Variants in DENND5A observed in about 807,000 individuals in gnomAD.
DENND5A encodes DENN domain containing 5A.
In DENND5A, 64 loss-of-function variants were observed where a neutral mutation model predicts 140.3. That is an observed-to-expected ratio of 0.46 (90% CI 0.37 to 0.56). The LOEUF is 0.56. Ranked by LOEUF, DENND5A falls within the 20% of genes least tolerant of loss-of-function variation. The probability of loss-of-function intolerance (pLI) is 0.00; values close to 1 mark genes in which losing one functional copy is unlikely to be tolerated. For synonymous variants in DENND5A, 605 were observed against 607.7 expected (o/e 1.00, Z 0.07); for missense variants, 1,292 against 1,593.8 (o/e 0.81, Z 3.22).
intron 5 of DENND5A, among the ~76,000 whole-genome samples, chr11:9,185,528 A>T (rs1263290643): frequency 6.6e-6 from 1 of 152,216 alleles, no homozygotes; most frequent in Non-Finnish European, 1.5e-5. Flanking sequence ...AAAAGAAAAC[A>T]CTGCAGGGGC....
At chr11:9,142,346 A>C (rs2136110551) in intron 21 of DENND5A, among the ~76,000 whole-genome samples, 1 of 152,346 alleles carries the variant, frequency 6.6e-6, no homozygotes, top group African/African-American at 2.4e-5. Context: ...GTCTGAAGAC[A>C]CAAAAAATTC....
chr11:9,160,925 G>C, intron 11 of DENND5A, 60 bp from the exon 12 acceptor site: 1 of 1,562,550 alleles, frequency 6.4e-7, no homozygotes. Context: ...CATACAACCG[G>C]AGAGGGTTCT....
intron 15 of DENND5A, among the ~76,000 whole-genome samples, chr11:9,149,655 G>A (rs767281401): frequency 1.3e-5 from 2 of 152,184 alleles, no homozygotes; most frequent in Non-Finnish European, 2.9e-5. Context: ...CAGACATCCC[G>A]AGAGGGGTGA....
At chr11:9,256,714 G>A (rs916747600) in intron 1 of DENND5A, among the ~76,000 whole-genome samples, 1 of 152,160 alleles carries the variant, frequency 6.6e-6, no homozygotes, top group African/African-American at 2.4e-5. Flanking sequence ...GTAGATGAGT[G>A]GTTGCCTAGG....
chr11:9,214,606 T>C (rs1850013234), intron 1 of DENND5A, among the ~76,000 whole-genome samples: 1 of 152,224 alleles, frequency 6.6e-6, no homozygotes, highest in African/African-American at 2.4e-5. Flanking sequence ...AGGCTGTAAC[T>C]TGGCCCACAT....
Position 9,170,761 on chromosome 11 carries a change from C to T in DENND5A, c.1923G>A (p.Leu641=), listed in dbSNP as rs756330533. The change falls in exon 9 of 23, where the codon CTG becomes CTA. Residue 641 remains leucine, a synonymous_variant. Coordinates refer to ENST00000328194, the MANE Select transcript of DENND5A (RefSeq NM_015213.4). Reference sequence around the variant, plus strand: ...CAGTATGGTCAATTTTTGCCAGACGCAGCTCAATTGCTTTCTCTGGATGAG... The same window carrying T: ...CAGTATGGTCAATTTTTGCCAGACGTAGCTCAATTGCTTTCTCTGGATGAG... ...TVDEAEKAIE[L]RLAKIDHTAI... 13 of 1,613,688 alleles carry T rather than the reference C, an allele frequency of 8.1e-6. No homozygotes were observed. Among genetic ancestry groups the T allele is most frequent in the Middle Eastern group, 1.6e-4 (1 of 6,062 alleles).
intron 12 of DENND5A, among the ~76,000 whole-genome samples, chr11:9,154,505 T>C (rs1564884928): frequency 6.6e-6 from 1 of 151,986 alleles, no homozygotes; most frequent in Non-Finnish European, 1.5e-5. Flanking sequence ...TTTGTTTCTA[T>C]TCACAAACTT....
Position 9,204,976 on chromosome 11 carries a change from T to C in DENND5A, c.292-659A>G, listed in dbSNP as rs1382870346. 2.0e-5 allele frequency among the ~76,000 whole-genome samples: 3 copies of C among 151,984 alleles called. No homozygotes were observed. The East Asian group carries it at 5.8e-4, about 29-fold the overall frequency. ...AAGAAAACTTGGAAAATTTAGGAAA[T>C]GGTAGGTGGTTAAGCATGACAGCAT... On this transcript the variant is annotated intron_variant, in intron 3 of 22. Transcript: ENST00000328194.
chr11:9,174,953 G>GA (rs1437300560), intron 8 of DENND5A, among the ~76,000 whole-genome samples: 1 of 147,440 alleles, frequency 6.8e-6, no homozygotes, highest in African/African-American at 2.5e-5. Flanking sequence ...GTGTAATACA[G>GA]AAAAAAAATA....
intron 1 of DENND5A, among the ~76,000 whole-genome samples, chr11:9,229,955 A>G (rs1252820385): frequency 8.3e-6 from 1 of 120,636 alleles, no homozygotes; most frequent in African/African-American, 3.2e-5. Flanking sequence ...CCCAGGCTAG[A>G]GTGCAGTGGT....
At chr11:9,224,150 C>T (rs1455781623) in intron 1 of DENND5A, among the ~76,000 whole-genome samples, 2 of 152,036 alleles carry the variant, frequency 1.3e-5, no homozygotes, top group Non-Finnish European at 1.5e-5. Context: ...GCCGAGATCA[C>T]GCCATTCACT....
intron 5 of DENND5A, among the ~76,000 whole-genome samples, chr11:9,182,566 T>C (rs1272701480): frequency 1.3e-5 from 2 of 152,256 alleles, no homozygotes. Context: ...AACAATGGTA[T>C]ACTATTCCAC....
chr11:9,166,227 T>C (rs1014771225), intron 10 of DENND5A, among the ~76,000 whole-genome samples: 2 of 151,840 alleles, frequency 1.3e-5, no homozygotes, highest in Non-Finnish European at 2.9e-5. Flanking sequence ...TACAGGCATG[T>C]GCCACCACGC....
intron 22 of DENND5A, chr11:9,140,084 C>T (rs1183798842): frequency 7.8e-7 from 1 of 1,274,010 alleles, no homozygotes; most frequent in Non-Finnish European, 1.1e-6. Context: ...AAGCCTCCTC[C>T]TCCCCTGCCT....
chr11:9,160,100 A>T (rs191102456), intron 12 of DENND5A, among the ~76,000 whole-genome samples: 14 of 152,264 alleles, frequency 9.2e-5, no homozygotes, highest in Admixed American at 8.5e-4. Context: ...GTATTTTCTA[A>T]TTTTTCCATG....
chr11:9,206,555 T>A (rs569346812), intron 3 of DENND5A, 118 bp downstream of exon 3: 1 of 750,986 alleles, frequency 1.3e-6, no homozygotes, highest in Non-Finnish European at 2.3e-6. Flanking sequence ...TGCATTATAA[T>A]CCTTTCTTCA....
intron 1 of DENND5A, among the ~76,000 whole-genome samples, chr11:9,211,929 C>CAAAAA (rs71453905): frequency 3.5e-5 from 3 of 84,864 alleles, no homozygotes; most frequent in Admixed American, 1.3e-4. Flanking sequence ...GACTCCGTCT[C>CAAAAA]AAAAAAAAAA....
intron 8 of DENND5A, chr11:9,171,530 C>T (rs930777890): frequency 1.3e-5 from 2 of 152,070 alleles, no homozygotes; most frequent in African/African-American, 4.8e-5. Context: ...TGGAAGTGTC[C>T]AGGACTCAAA....
chr11:9,187,240 C>T (rs1482562069), intron 5 of DENND5A, among the ~76,000 whole-genome samples: 1 of 152,206 alleles, frequency 6.6e-6, no homozygotes, highest in African/African-American at 2.4e-5. Context: ...GAAGCACTTA[C>T]AAAATACTAG....
Sources: gnomAD v4.1 joint callset for allele counts (sites outside exome capture counted in the v4.1 genomes callset) on GRCh38, gnomAD v4.1.1 for gene constraint, MANE v1.5 for transcripts, NCBI Gene and HGNC (gene_info 2026-07-23, HGNC 2026-07-21) for gene names.